EYS: variants seen among roughly 807,000 people sequenced by gnomAD.
EYS encodes the protein EGF-like photoreceptor maintenance factor, also known as protein eyes shut homolog.
A neutral mutation model predicts 282.1 loss-of-function variants in EYS; 250 were observed. The observed-to-expected ratio is 0.89, with a 90% confidence interval of 0.80 to 0.98. EYS has a LOEUF of 0.98. Among genes scored for constraint, EYS ranks in the 50% least tolerant of loss-of-function variants. The probability of loss-of-function intolerance (pLI) is 0.00; values close to 1 mark genes in which losing one functional copy is unlikely to be tolerated. For synonymous variants in EYS, 1,355 were observed against 1,282.9 expected (o/e 1.06, Z -1.20); for missense variants, 4,016 against 3,709.0 (o/e 1.08, Z -2.15).
intron 36 of EYS, among the ~76,000 whole-genome samples, chr6:63,848,747 A>G (rs796727859): frequency 1.8e-4 from 27 of 151,980 alleles, no homozygotes; most frequent in African/African-American, 6.3e-4. Context: ...CAAGCACAAA[A>G]CTGGGCAGCT....
At chr6:65,258,020 A>T (rs1332807991) in intron 12 of EYS, among the ~76,000 whole-genome samples, 2 of 152,078 alleles carry the variant, frequency 1.3e-5, no homozygotes, top group Non-Finnish European at 2.9e-5. Context: ...ACACAAAGAA[A>T]TGATAAATGT....
intron 34 of EYS, among the ~76,000 whole-genome samples, chr6:63,987,653 TC>T (rs954383219): frequency 9.2e-5 from 14 of 151,764 alleles, no homozygotes; most frequent in South Asian, 2.1e-4. Flanking sequence ...ATCTCTGATA[TC>T]CCAATTCCCA....
At chr6:65,186,384 G>A (rs1765517488) in intron 12 of EYS, among the ~76,000 whole-genome samples, 1 of 151,730 alleles carries the variant, frequency 6.6e-6, no homozygotes, top group Non-Finnish European at 1.5e-5. Context: ...TAGGCATGTA[G>A]AGGTCTAGTG....
At chr6:64,860,251 G>T (rs1254454675) in intron 19 of EYS, among the ~76,000 whole-genome samples, 1 of 152,210 alleles carries the variant, frequency 6.6e-6, no homozygotes, top group Non-Finnish European at 1.5e-5. Flanking sequence ...AAACTCTGTG[G>T]CCAGTGGTGC....
chr6:65,381,063 C>A (rs1453283408), intron 8 of EYS, among the ~76,000 whole-genome samples: 1 of 152,014 alleles, frequency 6.6e-6, no homozygotes, highest in Non-Finnish European at 1.5e-5. Context: ...TGTGGTGATT[C>A]CTCAAGGATA....
At chr6:63,751,321 C>A (rs1255905944) in intron 41 of EYS, among the ~76,000 whole-genome samples, 1 of 152,118 alleles carries the variant, frequency 6.6e-6, no homozygotes, top group Non-Finnish European at 1.5e-5. Flanking sequence ...TAATAAAAAA[C>A]ATTTTGACTT....
rs199628455 is a variant in EYS at position 65,411,815 on chromosome 6, C to CTT, written c.863-6450_863-6449dup. On this transcript the variant is annotated intron_variant, in intron 5 of 42. Coordinates refer to ENST00000503581, the MANE Select transcript of EYS (RefSeq NM_001142800.2). ...AAAGCTCTTATGTGCACCAATACGT[C>CTT]TTTTTTTTTTTTTCGGTTAATTGGT... 2.5e-3 allele frequency among the ~76,000 whole-genome samples: 345 copies of CTT among 136,806 alleles called. 1 individual carries two copies. The highest frequency in any genetic ancestry group is 8.8e-3 in the African/African-American group (329 of 37,586). The allele number at this position is 136,806 out of a possible 152,430, so 89.8% of individuals were successfully genotyped here.
chr6:65,095,752 C>T lies in EYS; in HGVS notation c.2024-38025G>A, dbSNP rs755701317. ...AGCATTTGACTAAATTCAGCATGCT[C>T]TCATGGTAAAATTTCTCAAAAACTA... On this transcript the variant is annotated intron_variant, in intron 12 of 42. Transcript: ENST00000503581. Among the ~76,000 whole-genome samples, 9 of 150,528 alleles carry T rather than the reference C, an allele frequency of 6.0e-5. 1 individual carries two copies. Among genetic ancestry groups the T allele is most frequent in the Non-Finnish European group, 8.9e-5 (6 of 67,276 alleles).
chr6:64,490,744 T>C (rs1244770806), intron 26 of EYS, among the ~76,000 whole-genome samples: 1 of 150,898 alleles, frequency 6.6e-6, no homozygotes, highest in Non-Finnish European at 1.5e-5. Flanking sequence ...TTTTTTTCAG[T>C]ATATTAATGA....
At chr6:64,183,909 T>C (rs1764856793) in intron 31 of EYS, among the ~76,000 whole-genome samples, 4 of 152,140 alleles carry the variant, frequency 2.6e-5, no homozygotes, top group Admixed American at 2.6e-4. Context: ...TTCTTTTCTT[T>C]TTTTAAAAAA....
chr6:64,696,833 T>C (rs1339507202), intron 22 of EYS, among the ~76,000 whole-genome samples: 1 of 152,058 alleles, frequency 6.6e-6, no homozygotes, highest in Non-Finnish European at 1.5e-5. Context: ...CTACAAGAAA[T>C]GCCCAAAGGT....
At chr6:64,381,561 T>G (rs1034508600) in intron 29 of EYS, among the ~76,000 whole-genome samples, 2 of 152,240 alleles carry the variant, frequency 1.3e-5, no homozygotes, top group Non-Finnish European at 2.9e-5. Context: ...GCATATGTTT[T>G]TTGGTATATA....
intron 13 of EYS, among the ~76,000 whole-genome samples, chr6:65,005,716 G>A (rs1771625936): frequency 7.7e-6 from 1 of 129,286 alleles, no homozygotes; most frequent in South Asian, 2.5e-4. Context: ...TGATCTGCCT[G>A]GAGCCAGCTT....
At chr6:64,750,853 G>A (rs1050977510) in intron 22 of EYS, among the ~76,000 whole-genome samples, 6 of 152,098 alleles carry the variant, frequency 3.9e-5, no homozygotes, top group East Asian at 1.9e-4. Flanking sequence ...GGAGGCATTC[G>A]GCTGAGAAAA....
chr6:65,104,220 C>T (rs1014192764), intron 12 of EYS, among the ~76,000 whole-genome samples: 4 of 151,362 alleles, frequency 2.6e-5, no homozygotes, highest in Admixed American at 6.6e-5. Context: ...AAATAGTTAA[C>T]GATTCTTTTC....
intron 2 of EYS, among the ~76,000 whole-genome samples, chr6:65,624,810 C>T (rs1389522657): frequency 1.3e-5 from 2 of 152,112 alleles, no homozygotes; most frequent in South Asian, 2.1e-4. Flanking sequence ...GGCTCTTGGG[C>T]CTTTGGCCAG....
intron 27 of EYS, among the ~76,000 whole-genome samples, chr6:64,438,020 T>A (rs909744722): frequency 2.6e-5 from 4 of 151,724 alleles, no homozygotes; most frequent in African/African-American, 9.7e-5. Context: ...GTTATTGCAA[T>A]GATGATTGGG....
At chr6:64,309,857 C>T (rs189346816) in intron 29 of EYS, among the ~76,000 whole-genome samples, 4 of 151,664 alleles carry the variant, frequency 2.6e-5, no homozygotes, top group East Asian at 3.9e-4. Context: ...CCCAGCTACT[C>T]GGGAGGCTGT....
At chr6:64,786,650 A>G (rs1774031417) in intron 22 of EYS, among the ~76,000 whole-genome samples, 1 of 152,122 alleles carries the variant, frequency 6.6e-6, no homozygotes, top group Non-Finnish European at 1.5e-5. Flanking sequence ...CTAATTGCTG[A>G]TGTTGATTCT....
Sources: gnomAD v4.1 joint callset for allele counts (sites outside exome capture counted in the v4.1 genomes callset) on GRCh38, gnomAD v4.1.1 for gene constraint, MANE v1.5 for transcripts, NCBI Gene and HGNC (gene_info 2026-07-23, HGNC 2026-07-21) for gene names.